ACAD11: variants seen among roughly 807,000 people sequenced by gnomAD.
ACAD11 encodes the protein acyl-Coenzyme A dehydrogenase family, member 11.
Under a neutral mutation model 102.2 loss-of-function variants are expected in ACAD11, and 83 were observed. That is an observed-to-expected ratio of 0.81 (90% CI 0.68 to 0.97). The LOEUF (loss-of-function observed/expected upper bound fraction) is 0.97, where lower values mean the gene tolerates loss of function less well. Among genes scored for constraint, ACAD11 ranks in the 50% least tolerant of loss-of-function variants. ACAD11 has a pLI of 0.00. For synonymous variants in ACAD11, 324 were observed against 319.8 expected, an observed-to-expected ratio of 1.01 and a Z score of -0.14; for missense variants, 901 against 951.7, an observed-to-expected ratio of 0.95 and a Z score of 0.70.
At chr3:132,632,079 T>C (rs970298521) in intron 5 of ACAD11, among the ~76,000 whole-genome samples, 13 of 145,272 alleles carry the variant, frequency 8.9e-5, no homozygotes, top group South Asian at 4.4e-4. Flanking sequence ...GGAATATATA[T>C]ATATGTATTT....
chr3:132,573,327 G>A (rs977817465), intron 17 of ACAD11, among the ~76,000 whole-genome samples: 1 of 151,978 alleles, frequency 6.6e-6, no homozygotes, highest in African/African-American at 2.4e-5. Flanking sequence ...GAACTGAGAT[G>A]TACTATAAGT....
intron 1 of ACAD11, among the ~76,000 whole-genome samples, chr3:132,653,936 T>C (rs549550885): frequency 9.2e-5 from 14 of 152,208 alleles, no homozygotes; most frequent in Non-Finnish European, 1.8e-4. Flanking sequence ...CTCAAATTTA[T>C]ATGTCTAGTC....
chr3:132,651,639 C>T (rs1448836091), intron 1 of ACAD11, among the ~76,000 whole-genome samples: 2 of 152,180 alleles, frequency 1.3e-5, no homozygotes, highest in Non-Finnish European at 2.9e-5. Flanking sequence ...ATCATACTGC[C>T]ATTCACCTCA....
chr3:132,640,582 C>T (rs375486286), intron 4 of ACAD11, among the ~76,000 whole-genome samples: 11 of 152,090 alleles, frequency 7.2e-5, no homozygotes, highest in African/African-American at 2.4e-4. Context: ...TATCTTTGCT[C>T]AACTTAGTGC....
intron 14 of ACAD11, 188 bp from the exon 15 acceptor site, chr3:132,579,069 C>T (rs951603810): frequency 4.0e-6 from 6 of 1,492,278 alleles, no homozygotes; most frequent in South Asian, 3.6e-5. Flanking sequence ...GGAACAGAAA[C>T]AATGATTTGA....
chr3:132,563,025 G>T (rs1476124434), intron 17 of ACAD11, among the ~76,000 whole-genome samples: 1 of 152,082 alleles, frequency 6.6e-6, no homozygotes, highest in Non-Finnish European at 1.5e-5. Flanking sequence ...TTAGATCAAG[G>T]GTCCCTCTTT....
chr3:132,622,668 C>G (rs542983960), intron 9 of ACAD11, among the ~76,000 whole-genome samples: 4 of 152,002 alleles, frequency 2.6e-5, no homozygotes, highest in Admixed American at 1.3e-4. Context: ...TATAAAGAAC[C>G]CTTCTTTGGT....
At chr3:132,633,084 T>A (rs1295670994) in intron 5 of ACAD11, among the ~76,000 whole-genome samples, 1 of 152,230 alleles carries the variant, frequency 6.6e-6, no homozygotes, top group Non-Finnish European at 1.5e-5. Flanking sequence ...CCTGCCTGAT[T>A]GCCTGGCCAG....
At chr3:132,632,419 A>C (rs1940085752) in intron 5 of ACAD11, among the ~76,000 whole-genome samples, 1 of 152,202 alleles carries the variant, frequency 6.6e-6, no homozygotes, top group Non-Finnish European at 1.5e-5. Flanking sequence ...TTGGCTGTAC[A>C]TATGGCCAAA....
intron 5 of ACAD11, among the ~76,000 whole-genome samples, chr3:132,634,461 C>A (rs1053881840): frequency 1.3e-5 from 2 of 151,922 alleles, no homozygotes; most frequent in Non-Finnish European, 2.9e-5. Flanking sequence ...GTTGGTGGGA[C>A]TGTAAACTAG....
chr3:132,628,419 T>C lies in ACAD11; in HGVS notation c.991A>G (p.Asn331Asp). The C allele has an allele frequency of 2.5e-6, 4 of 1,611,940 alleles. No homozygotes were observed. Among genetic ancestry groups the C allele is most frequent in the Non-Finnish European group, 2.5e-6 (3 of 1,178,900 alleles). ...QGVYSRYLLG[N>D]NSSEDSFLFA... ...AAAAAGCTATCCTCAGATGAATTAT[T>C]TCCCAGAAGATATCTGCTATATACT... The change falls in exon 8 of 20, where the codon AAT becomes GAT. Residue 331 changes from asparagine (N) to aspartate (D), a missense_variant. Coordinates refer to ENST00000264990, the MANE Select transcript of ACAD11 (RefSeq NM_032169.5).
intron 13 of ACAD11, chr3:132,601,257 T>G: frequency 6.2e-7 from 1 of 1,614,002 alleles, no homozygotes; most frequent in Non-Finnish European, 8.5e-7. Context: ...GCCATCCAAG[T>G]CACAGAAAGC....
chr3:132,569,610 T>C (rs1209626219), intron 17 of ACAD11, among the ~76,000 whole-genome samples: 4 of 152,184 alleles, frequency 2.6e-5, no homozygotes, highest in African/African-American at 9.7e-5. Flanking sequence ...AACTGTAGTA[T>C]ATCCAGACTA....
At chr3:132,569,599 A>G (rs1171506971) in intron 17 of ACAD11, among the ~76,000 whole-genome samples, 2 of 152,236 alleles carry the variant, frequency 1.3e-5, no homozygotes. Context: ...ACAGTTAAAC[A>G]AACTGTAGTA....
intron 13 of ACAD11, among the ~76,000 whole-genome samples, chr3:132,580,538 G>A (rs970016103): frequency 3.3e-5 from 5 of 151,958 alleles, no homozygotes; most frequent in African/African-American, 1.2e-4. Context: ...ACCTTACTTA[G>A]ATCCTAATTC....
chr3:132,639,404 C>T, intron 5 of ACAD11, 88 bp downstream of exon 5: 1 of 1,334,048 alleles, frequency 7.5e-7, no homozygotes, highest in Non-Finnish European at 1.0e-6. Flanking sequence ...GTGGGTTGGG[C>T]TCCCTCAGTG....
At chr3:132,613,569 T>A (rs1379153955) in intron 11 of ACAD11, among the ~76,000 whole-genome samples, 4 of 151,962 alleles carry the variant, frequency 2.6e-5, no homozygotes, top group African/African-American at 9.7e-5. Flanking sequence ...AGTCAAATTG[T>A]CACTGTTTGC....
At chr3:132,628,553 T>G in intron 7 of ACAD11, 107 bp from the exon 8 acceptor site, 1 of 726,286 alleles carries the variant, frequency 1.4e-6, no homozygotes. Context: ...TCACAGGGTA[T>G]GAAGACGTAA....
intron 13 of ACAD11, among the ~76,000 whole-genome samples, chr3:132,591,184 TG>T (rs1938060161): frequency 6.6e-6 from 1 of 152,132 alleles, no homozygotes; most frequent in African/African-American, 2.4e-5. Flanking sequence ...CTTTTGTATA[TG>T]GTGTAAGGTA....
Sources: allele counts gnomAD v4.1 joint callset (sites outside exome capture counted in the v4.1 genomes callset), GRCh38; gene constraint gnomAD v4.1.1; transcripts MANE v1.5; gene names NCBI Gene and HGNC (gene_info 2026-07-23, HGNC 2026-07-21).